The following FCRL6 variants were observed in gnomAD, a reference collection of about 807,000 sequenced individuals.
The protein encoded by FCRL6 is Fc receptor-like protein 6.
A neutral mutation model predicts 49.1 loss-of-function variants in FCRL6; 50 were observed. The observed-to-expected ratio is 1.02, with a 90% CI of 0.81 to 1.29. FCRL6 has a LOEUF of 1.29. FCRL6 is among the 50% of genes most tolerant of loss of function. The pLI, the probability that FCRL6 is intolerant of heterozygous loss-of-function variation, is 0.00. For synonymous variants in FCRL6, 213 were observed against 199.6 expected, an observed-to-expected ratio of 1.07 and a Z score of -0.57; for missense variants, 571 against 518.5, an observed-to-expected ratio of 1.10 and a Z score of -0.98.
chr1:159,809,146 G>A lies in FCRL6; in HGVS notation c.505G>A (p.Gly169Arg). ...CCCTCACCCAGAACTCTGCATCCCGGGAGCCAAGGAGGGAGACTCTGGGCT... is the reference window on the plus strand; with the variant it reads ...CCCTCACCCAGAACTCTGCATCCCGAGAGCCAAGGAGGGAGACTCTGGGCT... The part of the protein sequence containing the change: ...RGPHPELCIP[G>R]AKEGDSGLYW... The change falls in exon 4 of 10, where the codon GGA becomes AGA. Residue 169 changes from glycine (G) to arginine (R), a missense_variant. Coordinates refer to ENST00000368106, the MANE Select transcript of FCRL6 (RefSeq NM_001004310.3). 1 of 1,613,948 alleles carries A rather than the reference G, an allele frequency of 6.2e-7. No individual in the cohort carries two copies. Among genetic ancestry groups the A allele is most frequent in the African/African-American group, 1.3e-5 (1 of 75,034 alleles).
rs779264483 is a variant in FCRL6 at position 159,809,536 on chromosome 1, A to G, written c.739A>G (p.Ile247Val). The G allele has an allele frequency of 1.9e-6, 3 of 1,614,160 alleles. No individual in the cohort carries two copies. The highest frequency in any genetic ancestry group is 2.5e-6 in the Non-Finnish European group (3 of 1,180,014). The change falls in exon 5 of 10, where the codon ATT (isoleucine) becomes GTT (valine). Residue 247 changes from isoleucine (I) to valine (V), a missense_variant. Ile to Val is a conservative substitution (Grantham distance 29). Coordinates refer to ENST00000368106, the MANE Select transcript of FCRL6 (RefSeq NM_001004310.3). ...GTATTCCTTCTACCTTGATGAGAAG[A>G]TTGTGGGGAACCACTCAGCTCCCTG... ...ILYSFYLDEK[I>V]VGNHSAPCGG...
At chr1:159,810,811 G>T (rs920788943) in intron 6 of FCRL6, among the ~76,000 whole-genome samples, 6 of 152,176 alleles carry the variant, frequency 3.9e-5, no homozygotes, top group African/African-American at 1.4e-4. Context: ...TAGTTCCATA[G>T]CCTTGAGCCA....
intron 2 of FCRL6, among the ~76,000 whole-genome samples, chr1:159,807,313 T>C (rs116417810): frequency 0.01 from 1,592 of 152,268 alleles, 33 homozygotes; most frequent in African/African-American, 0.036. Flanking sequence ...CTGTTACTCC[T>C]CATTAGTCTC....
At chr1:159,814,968 A>G (rs1259102852) in intron 8 of FCRL6, among the ~76,000 whole-genome samples, 3 of 152,248 alleles carry the variant, frequency 2.0e-5, no homozygotes, top group Non-Finnish European at 4.4e-5. Flanking sequence ...CCTGCTTTGC[A>G]GGACTACTGT....
chr1:159,810,141 C>G lies in FCRL6; in HGVS notation c.934C>G (p.Leu312Val). 6.2e-7 allele frequency: 1 copy of G among 1,613,994 alleles called. No individual in the cohort carries two copies. Among genetic ancestry groups the G allele is most frequent in the Middle Eastern group, 1.7e-4 (1 of 6,060 alleles). Residue 312 changes from leucine to valine, a missense_variant, in exon 6 of 10, where the codon CTT becomes GTT. By Grantham distance (32) the Leu-to-Val change is conservative. Transcript: ENST00000368106. Reference protein sequence around the residue: ...TPASNWLVPWLPASLLGLMVI... With the variant: ...TPASNWLVPWVPASLLGLMVI... ...CGCCAGCAACTGGCTGGTTCCTTGG[C>G]TTCCTGCGAGCCTGCTTGGCCTGAT...
At chr1:159,804,728 C>T (rs1166208990) in intron 1 of FCRL6, among the ~76,000 whole-genome samples, 1 of 152,236 alleles carries the variant, frequency 6.6e-6, no homozygotes, top group Non-Finnish European at 1.5e-5. Flanking sequence ...ATTTTAAGTG[C>T]ATCTATGCTT....
At chr1:159,806,324 C>T (rs1252529521) in intron 1 of FCRL6, among the ~76,000 whole-genome samples, 1 of 152,120 alleles carries the variant, frequency 6.6e-6, no homozygotes, top group African/African-American at 2.4e-5. Flanking sequence ...CCAGCACAAA[C>T]GTTGAGTAGT....
intron 3 of FCRL6, 26 bp downstream of exon 3, chr1:159,808,470 G>A: frequency 6.2e-7 from 1 of 1,613,936 alleles, no homozygotes; most frequent in Non-Finnish European, 8.5e-7. Context: ...GGGAGTTTGT[G>A]GGGCAGGAGG....
chr1:159,812,215 A>T (rs1470349168), intron 6 of FCRL6, among the ~76,000 whole-genome samples: 1 of 152,218 alleles, frequency 6.6e-6, no homozygotes, highest in Non-Finnish European at 1.5e-5. Flanking sequence ...TATTCTTTAG[A>T]ATATTGCTCA....
chr1:159,813,456 A>C (rs747501738), intron 6 of FCRL6, 33 bp from the exon 7 acceptor site: 8 of 1,592,114 alleles, frequency 5.0e-6, no homozygotes, highest in South Asian at 3.3e-5. Context: ...CCTCTAAGGG[A>C]CACCCAGTGA....
intron 6 of FCRL6, among the ~76,000 whole-genome samples, chr1:159,810,583 A>AG (rs886756474): frequency 6.6e-6 from 1 of 152,054 alleles, no homozygotes; most frequent in Non-Finnish European, 1.5e-5. Context: ...GCAAAAAAAA[A>AG]AAGGCCTCCA....
chr1:159,803,424 CAG>C (rs1662472182), intron 1 of FCRL6, among the ~76,000 whole-genome samples: 1 of 152,208 alleles, frequency 6.6e-6, no homozygotes, highest in South Asian at 2.1e-4. Flanking sequence ...TCTTCCTGGA[CAG>C]AGTTTGTGAG....
At chr1:159,801,873 C>A (rs1043463893), upstream of FCRL6, among the ~76,000 whole-genome samples, 4 of 152,132 alleles carry the variant, frequency 2.6e-5, no homozygotes, top group African/African-American at 9.7e-5. Context: ...CTGATTCCCT[C>A]CTGAACTGAG....
chr1:159,800,551 A>G (rs1244538098), upstream of FCRL6: 1 of 1,540,090 alleles, frequency 6.5e-7, no homozygotes, highest in East Asian at 2.4e-5. Flanking sequence ...AGTTGAAGAC[A>G]ACTCAGGAGA....
chr1:159,816,221 A>G lies in FCRL6; in HGVS notation c.*560A>G, dbSNP rs753314474. 5 of 152,966 alleles carry G rather than the reference A, an allele frequency of 3.3e-5. No homozygotes were observed. Among genetic ancestry groups the G allele is most frequent in the Admixed American group, 1.3e-4 (2 of 15,416 alleles). The allele number at this position is 152,966 out of a possible 1,614,324, so 9.5% of individuals were successfully genotyped here. A position where few individuals can be genotyped will look rare whatever the true frequency, so the allele number is the denominator to read the frequency against. On this transcript the variant is annotated 3_prime_UTR_variant, in exon 10 of 10. Coordinates refer to ENST00000368106, the MANE Select transcript of FCRL6 (RefSeq NM_001004310.3). ...AATTATGTACAGTACACTATACTTG[A>G]TAATGATAATAAACAACTATGTTAC...
intron 1 of FCRL6, 101 bp downstream of exon 1, chr1:159,802,556 G>A: frequency 9.0e-7 from 1 of 1,107,138 alleles, no homozygotes. Flanking sequence ...ATTCCAGTGG[G>A]TTTGTGGCTG....
intron 6 of FCRL6, among the ~76,000 whole-genome samples, chr1:159,812,299 C>T (rs1663136663): frequency 6.6e-6 from 1 of 152,194 alleles, no homozygotes; most frequent in African/African-American, 2.4e-5. Context: ...TTCTCCACAC[C>T]CAGCTCTGGG....
chr1:159,808,557 G>A, intron 3 of FCRL6, 113 bp downstream of exon 3: 2 of 1,357,008 alleles, frequency 1.5e-6, no homozygotes, highest in South Asian at 2.5e-5. Flanking sequence ...CCCTCATGCT[G>A]GGCCAATGTG....
intron 8 of FCRL6, among the ~76,000 whole-genome samples, chr1:159,814,580 T>G (rs1483219065): frequency 1.3e-5 from 2 of 152,184 alleles, no homozygotes; most frequent in Non-Finnish European, 1.5e-5. Flanking sequence ...ATTCTCAACA[T>G]CATCTCCTCC....
Sources: gnomAD v4.1 joint callset for allele counts (sites outside exome capture counted in the v4.1 genomes callset) on GRCh38, gnomAD v4.1.1 for gene constraint, MANE v1.5 for transcripts, NCBI Gene and HGNC (gene_info 2026-07-23, HGNC 2026-07-21) for gene names.